RIC8A: variants seen among roughly 807,000 people sequenced by gnomAD.
RIC8A encodes chaperone Ric-8A.
A neutral mutation model predicts 48.4 loss-of-function variants in RIC8A; 37 were observed. That is an observed-to-expected ratio of 0.77 (90% confidence interval 0.59 to 1.01). The LOEUF is 1.01. RIC8A is among the 50% of genes least tolerant of loss of function. The probability of loss-of-function intolerance (pLI) is 0.00; values close to 1 mark genes in which losing one functional copy is unlikely to be tolerated. For synonymous variants in RIC8A, 288 were observed against 283.4 expected (o/e 1.02, Z -0.16); for missense variants, 681 against 696.8 (o/e 0.98, Z 0.25).
rs760853166 is a variant in RIC8A, at chr11:211,150, G to C, written c.819-49G>C. The C allele has an allele frequency of 2.5e-6, 4 of 1,570,662 alleles. No homozygotes were observed. Among genetic ancestry groups the C allele is most frequent in the Non-Finnish European group, 3.5e-6 (4 of 1,156,092 alleles). Reference sequence around the variant, plus strand: ...CAGCGGAGTCACAAAGATTGCACCTGTGCTCAGGGATTAGCCCTGTTGAAA... The same window carrying C: ...CAGCGGAGTCACAAAGATTGCACCTCTGCTCAGGGATTAGCCCTGTTGAAA... On this transcript the variant is annotated intron_variant, in intron 4 of 9. Transcript: ENST00000526104. This position sits in a 1 kb window ranked among gnomAD's most constrained non-coding sequence, Gnocchi z 4.0.
chr11:208,845 C>A lies in RIC8A; in HGVS notation c.-10C>A. The A allele has an allele frequency of 6.2e-7, 1 of 1,606,326 alleles. No homozygotes were observed. Among genetic ancestry groups the A allele is most frequent in the Non-Finnish European group, 8.5e-7 (1 of 1,177,170 alleles). ...TGAGGAAGGGCCCGTCCCGCCTTCC[C>A]CGGCGCGCCATGGAGCCCCGGGCGG... is the stretch of plus-strand genomic sequence containing the variant. On this transcript the variant is annotated 5_prime_UTR_variant, in exon 1 of 10. Coordinates refer to ENST00000526104, the MANE Select transcript of RIC8A (RefSeq NM_001286134.2). This position sits in a 1 kb window ranked among gnomAD's most constrained non-coding sequence, Gnocchi z 4.8.
At position 209,938 on chromosome 11, in the gene RIC8A, A is replaced by G. The variant is rs201711833; in HGVS notation, c.664A>G (p.Met222Val). The change falls in exon 3 of 10, where the codon ATG (methionine) becomes GTG (valine). Residue 222 changes from methionine (M) to valine (V), a missense_variant. Met to Val is a conservative substitution (Grantham distance 21, BLOSUM62 1). Transcript: ENST00000526104. ...TCCTTCCCAAGAGACTGAGCGGGCC[A>G]TGGAGATCCTCAAAGTGCTCTTCAA... is the stretch of plus-strand genomic sequence containing the variant. ...LLPSQETERA[M>V]EILKVLFNIT... 1.5e-4 allele frequency: 248 copies of G among 1,603,326 alleles called. No individual in the cohort carries two copies. The highest frequency in any genetic ancestry group is 6.2e-4 in the Admixed American group (37 of 59,990).
intron 9 of RIC8A, 172 bp from the exon 10 acceptor site, chr11:214,058 C>T (rs956121262): frequency 7.1e-6 from 5 of 706,202 alleles, no homozygotes; most frequent in African/African-American, 3.6e-5. Flanking sequence ...TGCTTAAAGC[C>T]AGGAGGCAGC....
chr11:209,540 T>A lies in RIC8A; in HGVS notation c.266T>A (p.Leu89Gln), dbSNP rs1263778164. The A allele has an allele frequency of 6.2e-7, 1 of 1,613,978 alleles. No homozygotes were observed. The highest frequency in any genetic ancestry group is 1.7e-5 in the Admixed American group (1 of 60,008). ...CLDPFTSRQS[L>Q]QALACYADIS... ...GACCCGTTCACCAGCCGCCAGAGCC[T>A]GCAGGCACTAGCCTGCTATGCTGAC... is the stretch of plus-strand genomic sequence containing the variant. The change falls in exon 3 of 10, where the codon CTG becomes CAG. Residue 89 changes from leucine to glutamine, a missense_variant. Leu to Gln is a moderately radical substitution (Grantham distance 113). Coordinates refer to ENST00000526104, the MANE Select transcript of RIC8A (RefSeq NM_001286134.2).
chr11:212,789 AC>A (rs754873714), intron 7 of RIC8A, 30 bp downstream of exon 7: 8 of 1,611,740 alleles, frequency 5.0e-6, no homozygotes, highest in Non-Finnish European at 5.9e-6. Context: ...GTCCCAGCCC[AC>A]CCCACCTCAG....
chr11:210,741 A>C (rs1855337460), intron 4 of RIC8A, 79 bp downstream of exon 4: 1 of 1,356,086 alleles, frequency 7.4e-7, no homozygotes, highest in Non-Finnish European at 1.1e-6. Context: ...TCTGAACCAG[A>C]ACCACCTGAG....
chr11:212,932 T>A lies in RIC8A; in HGVS notation c.1306T>A (p.Ser436Thr). ...MAGGRPEGQYSEDEDTDTDEY... is the reference protein window; with the variant it reads ...MAGGRPEGQYTEDEDTDTDEY... ...AGGAGGCCGGCCCGAGGGCCAGTAC[T>A]CAGAGGATGAGGACACAGACACAGA... Residue 436 changes from serine to threonine, a missense_variant, in exon 8 of 10, where the codon TCA (serine) becomes ACA (threonine). Transcript: ENST00000526104. 1 of 1,595,544 alleles carries A rather than the reference T, an allele frequency of 6.3e-7. No homozygotes were observed. The highest frequency in any genetic ancestry group is 1.1e-5 in the South Asian group (1 of 87,556).
In RIC8A at chr11:211,628, C is replaced by A; in HGVS notation, c.969+279C>A. ...GTGGTCCAGAGAAGCCCCCCAGTCC[C>A]TACTTTTAAGTCTTAAACACAGGCA... is the stretch of plus-strand genomic sequence containing the variant. On this transcript the variant is annotated intron_variant, in intron 5 of 9. Transcript: ENST00000526104. This position sits in a 1 kb window ranked among gnomAD's most constrained non-coding sequence, Gnocchi z 4.0. The A allele has an allele frequency of 3.2e-6, 1 of 312,376 alleles. No individual in the cohort carries two copies. Among genetic ancestry groups the A allele is most frequent in the South Asian group, 6.8e-5 (1 of 14,646 alleles). 19.4% of individuals were successfully genotyped at this position (312,376 alleles called of 1,614,324 possible).
Position 208,952 on chromosome 11 carries a change from T to A in RIC8A, c.84+14T>A. ...TACAACCAGGAGGTAAGCGGCCGCC[T>A]GAGGCCGGGGGGCGGGCACGGAGGG... On this transcript the variant is annotated intron_variant, in intron 1 of 9. Coordinates refer to ENST00000526104, the MANE Select transcript of RIC8A (RefSeq NM_001286134.2). This position sits in a 1 kb window ranked among gnomAD's most constrained non-coding sequence, Gnocchi z 4.8. 1.3e-6 allele frequency: 2 copies of A among 1,488,802 alleles called. No individual in the cohort carries two copies. Among genetic ancestry groups the A allele is most frequent in the Non-Finnish European group, 1.8e-6 (2 of 1,094,692 alleles). The allele number at this position is 1,488,802 out of a possible 1,614,324, so 92.2% of individuals were successfully genotyped here.
Position 214,663 on chromosome 11 carries a change from G to C in RIC8A, c.*313G>C, listed in dbSNP as rs865968506. The C allele has an allele frequency of 2.4e-5, 10 of 421,152 alleles. No individual in the cohort carries two copies. The East Asian group carries it at 5.4e-4, about 23-fold the overall frequency. 26.1% of individuals were successfully genotyped at this position (421,152 alleles called of 1,614,324 possible). A position where few individuals can be genotyped will look rare whatever the true frequency, so the allele number is the denominator to read the frequency against. On this transcript the variant is annotated 3_prime_UTR_variant, in exon 10 of 10. Coordinates refer to ENST00000526104, the MANE Select transcript of RIC8A (RefSeq NM_001286134.2). ...CTGCCTGAGGGCAGGGCCTACCTGGGCACACAGAAGAGCATATGGGAGGGC... is the reference window on the plus strand; with the variant it reads ...CTGCCTGAGGGCAGGGCCTACCTGGCCACACAGAAGAGCATATGGGAGGGC...
At position 211,110 on chromosome 11, in the gene RIC8A, A is replaced by G; in HGVS notation, c.819-89A>G. 7.1e-7 allele frequency: 1 copy of G among 1,412,666 alleles called. No individual in the cohort carries two copies. Among genetic ancestry groups the G allele is most frequent in the South Asian group, 1.3e-5 (1 of 75,072 alleles). The allele number at this position is 1,412,666 out of a possible 1,614,324, so 87.5% of individuals were successfully genotyped here. A position where few individuals can be genotyped will look rare whatever the true frequency, so the allele number is the denominator to read the frequency against. ...CCCTTTGGGACTCAGATGCCAGCTC[A>G]TGTAATGTGTGGTTCAGCGGAGTCA... is the stretch of plus-strand genomic sequence containing the variant. On this transcript the variant is annotated intron_variant, in intron 4 of 9. Coordinates refer to ENST00000526104, the MANE Select transcript of RIC8A (RefSeq NM_001286134.2). The surrounding 1 kb of genome is among the most constrained non-coding windows in gnomAD (Gnocchi z 4.0).
chr11:214,124 G>A lies in RIC8A; in HGVS notation c.1476-106G>A, dbSNP rs550369937. 234 of 1,336,928 alleles carry A rather than the reference G, an allele frequency of 1.8e-4. 5 individuals carry two copies. The South Asian group carries it at 3.0e-3, about 17-fold the overall frequency. The allele number at this position is 1,336,928 out of a possible 1,614,324, so 82.8% of individuals were successfully genotyped here. On this transcript the variant is annotated intron_variant, in intron 9 of 9. Transcript: ENST00000526104. ...TCCAACCAGGCTTCCCCAGTAAATGGGAGCAGCCTACTTGGTAGAGAGGAA... is the reference window on the plus strand; with the variant it reads ...TCCAACCAGGCTTCCCCAGTAAATGAGAGCAGCCTACTTGGTAGAGAGGAA...
intron 9 of RIC8A, 140 bp downstream of exon 9, chr11:213,558 A>T (rs1855430596): frequency 4.1e-6 from 5 of 1,205,836 alleles, no homozygotes; most frequent in Non-Finnish European, 5.7e-6. Context: ...GTTTGAAATC[A>T]CTTGCCCTGG....
chr11:212,684 C>T lies in RIC8A; in HGVS notation c.1135C>T (p.Arg379Cys), dbSNP rs757626322. The change falls in exon 7 of 10, where the codon CGC becomes TGC. Residue 379 changes from arginine (R) to cysteine (C), a missense_variant. By Grantham distance (180) the Arg-to-Cys change is radical (BLOSUM62 -3). Transcript: ENST00000526104. ...VGEMLRNKLV[R>C]LMTHLDTDVK... ...GGAGATGCTGCGGAACAAGCTTGTCCGCCTCATGACACACCTGGACACAGA... is the reference window on the plus strand; with the variant it reads ...GGAGATGCTGCGGAACAAGCTTGTCTGCCTCATGACACACCTGGACACAGA... 2.9e-5 allele frequency: 46 copies of T among 1,613,960 alleles called. No homozygotes were observed. The highest frequency in any genetic ancestry group is 3.3e-5 in the Non-Finnish European group (39 of 1,180,030).
rs138796024 is a variant in RIC8A at position 214,901 on chromosome 11, AT to A, written c.*553del. ...GCGCAGGGCTGGAGGCCTCTTAGAC[AT>A]TCTCCTTGGTCCTCGTTCAGCTGCC... On this transcript the variant is annotated 3_prime_UTR_variant, in exon 10 of 10. Transcript: ENST00000526104. 5,275 of 203,268 alleles carry A rather than the reference AT, an allele frequency of 0.026. 227 individuals are homozygous for A. The highest frequency in any genetic ancestry group is 0.1 in the African/African-American group (4,221 of 42,212). 12.6% of individuals were successfully genotyped at this position (203,268 alleles called of 1,614,324 possible). A position where few individuals can be genotyped will look rare whatever the true frequency, so the allele number is the denominator to read the frequency against.
chr11:213,685 C>A, intron 9 of RIC8A: 1 of 348,690 alleles, frequency 2.9e-6, no homozygotes, highest in Non-Finnish European at 5.3e-6. Context: ...TAGCTCACGC[C>A]TATAATCCCA....
Position 209,815 on chromosome 11 carries a change from C to T in RIC8A, c.541C>T (p.Gln181Ter). The T allele has an allele frequency of 6.2e-7, 1 of 1,614,038 alleles. No individual in the cohort carries two copies. Among genetic ancestry groups the T allele is most frequent in the Non-Finnish European group, 8.5e-7 (1 of 1,180,050 alleles). ...LTALRTDVRQ[Q>*]LFQELKGVRL... ...GGCACTCCGCACCGATGTGCGCCAGCAGCTGTTTCAGGAGCTGAAAGGAGT... is the reference window on the plus strand; with the variant it reads ...GGCACTCCGCACCGATGTGCGCCAGTAGCTGTTTCAGGAGCTGAAAGGAGT... The change falls in exon 3 of 10, where the codon CAG becomes TAG. Residue 181 changes from glutamine (Q) to a stop codon, truncating the protein, a stop_gained. Transcript: ENST00000526104. LOFTEE classifies it high-confidence loss of function.
chr11:209,594 A>C lies in RIC8A; in HGVS notation c.320A>C (p.Glu107Ala), dbSNP rs371783036. The change falls in exon 3 of 10, where the codon GAG becomes GCG. Residue 107 changes from glutamate (E) to alanine (A), a missense_variant. Coordinates refer to ENST00000526104, the MANE Select transcript of RIC8A (RefSeq NM_001286134.2). ...TCTGTCTCTGAGGGGTCCGTCCCAG[A>C]GTCCGCAGACATGGATGTTGTACTG... is the stretch of plus-strand genomic sequence containing the variant. ...DISVSEGSVP[E>A]SADMDVVLES... is the part of the protein sequence containing the mutation. 1.0e-4 allele frequency: 164 copies of C among 1,613,950 alleles called. No individual in the cohort carries two copies. The highest frequency in any genetic ancestry group is 1.3e-4 in the Non-Finnish European group (152 of 1,180,048).
In RIC8A at chr11:208,732, A is replaced by C. The variant is rs1292244350; in HGVS notation, c.-123A>C. The C allele has an allele frequency of 4.6e-6, 3 of 646,950 alleles. No individual in the cohort carries two copies. The highest frequency in any genetic ancestry group is 5.0e-6 in the Non-Finnish European group (2 of 402,770). The allele number at this position is 646,950 out of a possible 1,614,324, so 40.1% of individuals were successfully genotyped here. On this transcript the variant is annotated 5_prime_UTR_variant, in exon 1 of 10. Transcript: ENST00000526104. This position sits in a 1 kb window ranked among gnomAD's most constrained non-coding sequence, Gnocchi z 4.8. ...CTGCGCCCCGTTAAAGCGCCACCAGACGCCGCGCCCCGTCCCGGCCTCCCC... is the reference window on the plus strand; with the variant it reads ...CTGCGCCCCGTTAAAGCGCCACCAGCCGCCGCGCCCCGTCCCGGCCTCCCC...
Sources: allele counts gnomAD v4.1 joint callset, GRCh38; gene constraint gnomAD v4.1.1; non-coding constraint Gnocchi (gnomAD v3.1); transcripts MANE v1.5; gene names NCBI Gene and HGNC (gene_info 2026-07-23, HGNC 2026-07-21).